Variants in PKD2 observed in about 807,000 individuals in gnomAD.
PKD2 encodes the protein polycystin 2, transient receptor potential cation channel, also known as polycystin-2.
PKD2 carries 48 observed loss-of-function variants against 105.9 expected under a neutral mutation model. The observed-to-expected ratio is 0.45, with a 90% CI of 0.36 to 0.58. The LOEUF is 0.58. PKD2 is among the 20% of genes least tolerant of loss of function. The pLI is 0.00. For missense variants in PKD2, 1,078 were observed against 1,255.3 expected, an observed-to-expected ratio of 0.86 and a Z score of 2.13; for synonymous variants, 464 against 481.1, an observed-to-expected ratio of 0.96 and a Z score of 0.46.
At chr4:88,059,305 T>G (rs544019153) in intron 9 of PKD2, among the ~76,000 whole-genome samples, 2 of 152,308 alleles carry the variant, frequency 1.3e-5, no homozygotes, top group Middle Eastern at 3.4e-3. Flanking sequence ...CTCTTAAGCT[T>G]CTTCTTCCTA....
At chr4:88,010,632 C>T (rs1726353022) in intron 1 of PKD2, among the ~76,000 whole-genome samples, 1 of 152,154 alleles carries the variant, frequency 6.6e-6, no homozygotes, top group South Asian at 2.1e-4. Context: ...TCAGGAGTTT[C>T]CCTGGAAGTC....
At chr4:88,016,993 AAAAG>A (rs1017440483) in intron 1 of PKD2, among the ~76,000 whole-genome samples, 14 of 151,936 alleles carry the variant, frequency 9.2e-5, no homozygotes, top group African/African-American at 2.9e-4. Context: ...GAGACAGAAA[AAAAG>A]AAAGAAAATA....
chr4:88,069,882 A>G (rs1210432223), intron 13 of PKD2, among the ~76,000 whole-genome samples: 1 of 152,118 alleles, frequency 6.6e-6, no homozygotes, highest in East Asian at 1.9e-4. Context: ...TTACATTTCT[A>G]TTATAGACCT....
At position 88,074,859 on chromosome 4, in the gene PKD2, T is replaced by C. The variant is rs375160482; in HGVS notation, c.2570T>C (p.Val857Ala). ...ATGGAGCATTCCATCGGCAGCATAG[T>C]GTCCAAGATTGACGCCGTGATCGTG... ...DRMEHSIGSI[V>A]SKIDAVIVKL... Residue 857 changes from valine to alanine, a missense_variant, in exon 14 of 15, where the codon GTG becomes GCG. Physicochemically the swap from Val to Ala is moderately conservative, Grantham distance 64 (BLOSUM62 0). Around this residue, in one of 2 missense-constraint regions of PKD2, gnomAD observed 868 missense variants for 1,067.3 expected, o/e 0.81. Coordinates refer to ENST00000237596, the MANE Select transcript of PKD2 (RefSeq NM_000297.4). The C allele has an allele frequency of 5.0e-6, 8 of 1,613,996 alleles. No homozygotes were observed. Among genetic ancestry groups the C allele is most frequent in the Non-Finnish European group, 6.8e-6 (8 of 1,180,000 alleles).
intron 12 of PKD2, 44 bp from the exon 13 acceptor site, chr4:88,067,854 G>C (rs780638439): frequency 6.3e-7 from 1 of 1,581,326 alleles, no homozygotes; most frequent in Non-Finnish European, 8.7e-7. Flanking sequence ...CTTCTGTGGG[G>C]TCTCAGTGTT....
chr4:88,059,970 A>G lies in PKD2; in HGVS notation c.2019+1867A>G, dbSNP rs150978305. Among the ~76,000 whole-genome samples the G allele has an allele frequency of 3.3e-3, 505 of 152,254 alleles. 1 individual carries two copies. The highest frequency in any genetic ancestry group is 0.011 in the African/African-American group (470 of 41,552). On this transcript the variant is annotated intron_variant, in intron 9 of 14. Transcript: ENST00000237596. The stretch of plus-strand genomic sequence containing the variant: ...ACCAGGATAACCCCACTCTTCCCCC[A>G]CATCAACAGGAAAGACATCCTGGTG...
chr4:88,023,505 A>G (rs907489049), intron 2 of PKD2, among the ~76,000 whole-genome samples: 2 of 152,224 alleles, frequency 1.3e-5, no homozygotes, highest in Non-Finnish European at 2.9e-5. Flanking sequence ...CATCCAAACT[A>G]TATCACCTTG....
At chr4:88,036,053 A>T in intron 2 of PKD2, 167 bp from the exon 3 acceptor site, 1 of 961,898 alleles carries the variant, frequency 1.0e-6, no homozygotes, top group East Asian at 2.4e-5. Context: ...ATATAGAGAG[A>T]TACCCTAGAA....
At chr4:88,053,348 G>T (rs941011732) in intron 7 of PKD2, among the ~76,000 whole-genome samples, 3 of 152,104 alleles carry the variant, frequency 2.0e-5, no homozygotes, top group Non-Finnish European at 4.4e-5. Flanking sequence ...ATACCTAGAA[G>T]ACCTGAGGTT....
At chr4:88,063,450 G>T (rs567302907) in intron 10 of PKD2, among the ~76,000 whole-genome samples, 1 of 151,972 alleles carries the variant, frequency 6.6e-6, no homozygotes, top group South Asian at 2.1e-4. Context: ...AGAATCGCTT[G>T]CACCTAGGAG....
At chr4:88,045,106 T>C (rs1001220552) in intron 5 of PKD2, among the ~76,000 whole-genome samples, 1 of 152,244 alleles carries the variant, frequency 6.6e-6, no homozygotes, top group Admixed American at 6.5e-5. Context: ...TTTCTTCTGC[T>C]TCCTCCCTTA....
intron 6 of PKD2, 120 bp from the exon 7 acceptor site, chr4:88,051,871 T>G: frequency 1.6e-6 from 1 of 615,652 alleles, no homozygotes; most frequent in Non-Finnish European, 2.9e-6. Flanking sequence ...TGACATCGGG[T>G]AAGTATAATG....
intron 2 of PKD2, among the ~76,000 whole-genome samples, chr4:88,033,828 T>C (rs1480382761): frequency 6.6e-6 from 1 of 152,156 alleles, no homozygotes; most frequent in Non-Finnish European, 1.5e-5. Flanking sequence ...AACTTAATCA[T>C]TTGGTTGGCT....
At chr4:88,049,969 A>ATTTTT (rs397881137) in intron 6 of PKD2, among the ~76,000 whole-genome samples, 9 of 118,512 alleles carry the variant, frequency 7.6e-5, no homozygotes, top group East Asian at 2.4e-4. Context: ...TACAGGGTAA[A>ATTTTT]TTTTTTTTTT....
intron 8 of PKD2, 77 bp downstream of exon 8, chr4:88,056,344 G>A: frequency 1.2e-6 from 1 of 855,772 alleles, no homozygotes; most frequent in African/African-American, 1.7e-5. Flanking sequence ...TTCATATGAG[G>A]TTGCTATATG....
chr4:88,027,190 T>G (rs1726988237), intron 2 of PKD2, among the ~76,000 whole-genome samples: 2 of 152,170 alleles, frequency 1.3e-5, no homozygotes, highest in South Asian at 4.1e-4. Flanking sequence ...CACTCTGCGC[T>G]TAGAAAAGCT....
In PKD2 at chr4:88,074,895, T is replaced by C; in HGVS notation, c.2606T>C (p.Ile869Thr). The change falls in exon 14 of 15, where the codon ATT (isoleucine) becomes ACT (threonine). Residue 869 changes from isoleucine (I) to threonine (T), a missense_variant. Ile to Thr is a moderately conservative substitution (Grantham distance 89). Around this residue, in one of 2 missense-constraint regions of PKD2, gnomAD observed 868 missense variants for 1,067.3 expected, o/e 0.81. Transcript: ENST00000237596. ...KIDAVIVKLEIMERAKLKRRE... is the reference protein window; with the variant it reads ...KIDAVIVKLETMERAKLKRRE... The stretch of plus-strand genomic sequence containing the variant: ...GACGCCGTGATCGTGAAGCTAGAGA[T>C]TATGGAGCGAGCCAAACTGAAGAGG... 4.3e-6 allele frequency: 7 copies of C among 1,614,078 alleles called. No homozygotes were observed. The highest frequency in any genetic ancestry group is 5.9e-6 in the Non-Finnish European group (7 of 1,180,012).
intron 4 of PKD2, among the ~76,000 whole-genome samples, chr4:88,040,163 C>G (rs1472525918): frequency 6.6e-6 from 1 of 152,156 alleles, no homozygotes; most frequent in Non-Finnish European, 1.5e-5. Flanking sequence ...CAAAGTGTCA[C>G]AGCTAACAAA....
In PKD2 at chr4:88,075,823, T is replaced by TA. The variant is rs1419988882; in HGVS notation, c.*129_*130insA. ...AGTCTTTGTGACCGATTGCTAATCT[T>TA]CTGCACTTTAATTTATTTTATATAA... On this transcript the variant is annotated 3_prime_UTR_variant, in exon 15 of 15. Coordinates refer to ENST00000237596, the MANE Select transcript of PKD2 (RefSeq NM_000297.4). 2 of 758,396 alleles carry TA rather than the reference T, an allele frequency of 2.6e-6. No homozygotes were observed. The highest frequency in any genetic ancestry group is 4.7e-6 in the Non-Finnish European group (2 of 425,632). The allele number at this position is 758,396 out of a possible 1,614,324, so 47.0% of individuals were successfully genotyped here.
Sources: gnomAD v4.1 joint callset for allele counts (sites outside exome capture counted in the v4.1 genomes callset) on GRCh38, gnomAD v4.1.1 for gene constraint, gnomAD v4.1.1 regional missense constraint, MANE v1.5 for transcripts, NCBI Gene and HGNC (gene_info 2026-07-23, HGNC 2026-07-21) for gene names.